The following LCN15 variants were observed in gnomAD, a reference collection of about 807,000 sequenced individuals.
LCN15 encodes the protein lipocalin-15.
LCN15 carries 26 observed loss-of-function variants against 23.1 expected under a neutral mutation model. The ratio of observed to expected loss-of-function variants is 1.13; its 90% CI spans 0.82 to 1.56. LCN15 has a LOEUF of 1.56. Among genes scored for constraint, LCN15 ranks in the 40% most tolerant of loss-of-function variants. LCN15 has a pLI of 0.00. For synonymous variants in LCN15, 107 were observed against 98.3 expected (o/e 1.09, Z -0.52); for missense variants, 241 against 239.5 (o/e 1.01, Z -0.04).
At position 136,762,231 on chromosome 9, in the gene LCN15, G is replaced by T; in HGVS notation, c.477C>A (p.Thr159=). The stretch of plus-strand genomic sequence containing the variant: ...CCATCATGTCCTTGGGGAGCCCCAG[G>T]GTCGGGTAGAAGTCCTGGAAGGACT... The part of the protein sequence containing the change: ...ALKSFQDFYP[T]LGLPKDMMVM... The change falls in exon 5 of 7, where the codon ACC becomes ACA. Residue 159 remains threonine (T), a synonymous_variant. Coordinates refer to ENST00000316144, the MANE Select transcript of LCN15 (RefSeq NM_203347.2). 3 of 1,601,676 alleles carry T rather than the reference G, an allele frequency of 1.9e-6. No homozygotes were observed. The highest frequency in any genetic ancestry group is 2.6e-6 in the Non-Finnish European group (3 of 1,174,742).
chr9:136,764,470 C>G lies in LCN15; in HGVS notation c.19G>C (p.Gly7Arg), dbSNP rs139868600. Reference sequence around the variant, plus strand: ...GCCCAGAGCAGGGTCAGGATTGCGCCGAGCAGGAATGACATCATCCCCTCC... The same window carrying G: ...GCCCAGAGCAGGGTCAGGATTGCGCGGAGCAGGAATGACATCATCCCCTCC... MMSFLL[G>R]AILTLLWAPT... is the part of the protein sequence containing the mutation. The change falls in exon 1 of 7, where the codon GGC becomes CGC. Residue 7 changes from glycine to arginine, a missense_variant. Physicochemically the swap from Gly to Arg is moderately radical, Grantham distance 125. Coordinates refer to ENST00000316144, the MANE Select transcript of LCN15 (RefSeq NM_203347.2). The G allele has an allele frequency of 1.2e-6, 2 of 1,612,914 alleles. No homozygotes were observed. Among genetic ancestry groups the G allele is most frequent in the Non-Finnish European group, 1.7e-6 (2 of 1,179,680 alleles).
rs920384656 is a variant in LCN15 at position 136,764,335 on chromosome 9, T to C, written c.96+58A>G. The C allele has an allele frequency of 6.7e-6, 10 of 1,499,678 alleles. No individual in the cohort carries two copies. The African/African-American group carries it at 1.4e-4, about 21-fold the overall frequency. The allele number at this position is 1,499,678 out of a possible 1,614,324, so 92.9% of individuals were successfully genotyped here. ...AAAGGCAGTTGTCACAATTATCACG[T>C]TGTCTCTGGCAGGGGCCCAGCTCCC... On this transcript the variant is annotated intron_variant, in intron 1 of 6. Transcript: ENST00000316144.
chr9:136,763,203 C>A (rs1330033228), intron 4 of LCN15, among the ~76,000 whole-genome samples, 154 bp downstream of exon 4: 1 of 146,350 alleles, frequency 6.8e-6, no homozygotes, highest in Non-Finnish European at 1.5e-5. Context: ...GGAGCCTAAA[C>A]TCGGCCTAAA....
At chr9:136,764,179 G>A in intron 1 of LCN15, 170 bp from the exon 2 acceptor site, 4 of 860,654 alleles carry the variant, frequency 4.6e-6, no homozygotes, top group Non-Finnish European at 7.2e-6. Context: ...GTAGGTCACA[G>A]TGCAACTGTG....
chr9:136,762,129 C>T, intron 5 of LCN15, 59 bp downstream of exon 5: 1 of 1,066,418 alleles, frequency 9.4e-7, no homozygotes, highest in Admixed American at 2.6e-5. Context: ...GAAGGGTGGG[C>T]TCATGGGAAG....
chr9:136,762,308 A>C lies in LCN15; in HGVS notation c.419-19T>G. ...GTCCGGCCTGGGCAGAGCAGAGGTCACTGTGAACTCAGCAGCTCACAGGAG... is the reference window on the plus strand; with the variant it reads ...GTCCGGCCTGGGCAGAGCAGAGGTCCCTGTGAACTCAGCAGCTCACAGGAG... On this transcript the variant is annotated intron_variant, in intron 4 of 6. Coordinates refer to ENST00000316144, the MANE Select transcript of LCN15 (RefSeq NM_203347.2). 1.4e-6 allele frequency: 2 copies of C among 1,423,744 alleles called. No homozygotes were observed. Among genetic ancestry groups the C allele is most frequent in the Non-Finnish European group, 2.0e-6 (2 of 1,022,982 alleles). 88.2% of individuals were successfully genotyped at this position (1,423,744 alleles called of 1,614,324 possible).
chr9:136,759,954 T>TGCCCCATAG (rs71385770), intron 6 of LCN15, among the ~76,000 whole-genome samples, 171 bp from the exon 7 acceptor site: 2 of 151,382 alleles, frequency 1.3e-5, no homozygotes, highest in African/African-American at 4.8e-5. Flanking sequence ...CTACCACTGC[T>TGCCCCATAG]GCCCCAGGCG....
rs377239916 is a variant in LCN15, at chr9:136,760,183, C to A, written c.*33-400G>T. ...CCACGGTCACGCGTGGTGGCCCAGG[C>A]GGGGCACTCTACCCCGAAAGCTGCT... On this transcript the variant is annotated intron_variant, in intron 6 of 6. Transcript: ENST00000316144. Among the ~76,000 whole-genome samples the A allele has an allele frequency of 7.9e-5, 12 of 152,356 alleles. No individual in the cohort carries two copies. The East Asian group carries it at 1.9e-3, about 24-fold the overall frequency.
At chr9:136,764,167 G>C in intron 1 of LCN15, 158 bp from the exon 2 acceptor site, 1 of 930,400 alleles carries the variant, frequency 1.1e-6, no homozygotes, top group African/African-American at 1.7e-5. Context: ...AACTCATCTT[G>C]GGTAGGTCAC....
At chr9:136,759,868 C>G (rs1325682751) in intron 6 of LCN15, 85 bp from the exon 7 acceptor site, 1 of 152,446 alleles carries the variant, frequency 6.6e-6, no homozygotes, top group Admixed American at 6.5e-5. Flanking sequence ...CATCACTCTT[C>G]CAAAGCCACC....
intron 4 of LCN15, 98 bp from the exon 5 acceptor site, chr9:136,762,387 G>C: frequency 1.4e-6 from 1 of 738,054 alleles, no homozygotes; most frequent in Non-Finnish European, 2.3e-6. Flanking sequence ...TGACAGCAAG[G>C]CCGCCACCCT....
rs1385519844 is a variant in LCN15, at chr9:136,761,969, G to A, written c.521-116C>T. ...GACAGCTCCACCATCCCCAGAGAGTGGAGCCCAGAGCTTCCCTCCCAGCGC... is the reference window on the plus strand; with the variant it reads ...GACAGCTCCACCATCCCCAGAGAGTAGAGCCCAGAGCTTCCCTCCCAGCGC... On this transcript the variant is annotated intron_variant, in intron 5 of 6. Coordinates refer to ENST00000316144, the MANE Select transcript of LCN15 (RefSeq NM_203347.2). The surrounding 1 kb of genome is among the most constrained non-coding windows in gnomAD (Gnocchi z 4.2). 5.6e-6 allele frequency: 5 copies of A among 898,854 alleles called. No homozygotes were observed. The highest frequency in any genetic ancestry group is 2.3e-5 in the South Asian group (1 of 43,728). The allele number at this position is 898,854 out of a possible 1,614,324, so 55.7% of individuals were successfully genotyped here. A position where few individuals can be genotyped will look rare whatever the true frequency, so the allele number is the denominator to read the frequency against.
Position 136,761,722 on chromosome 9 carries a change from T to A in LCN15, c.*32+65A>T, listed in dbSNP as rs1847319246. The A allele has an allele frequency of 1.3e-6, 1 of 751,436 alleles. No homozygotes were observed. Among genetic ancestry groups the A allele is most frequent in the Non-Finnish European group, 1.8e-6 (1 of 544,672 alleles). The allele number at this position is 751,436 out of a possible 1,614,324, so 46.5% of individuals were successfully genotyped here. A position where few individuals can be genotyped will look rare whatever the true frequency, so the allele number is the denominator to read the frequency against. The stretch of plus-strand genomic sequence containing the variant: ...CAGGCATGGGGCAGACAGAACCAGA[T>A]GTCAAGCTGCGATAGGGAGGGGAGA... On this transcript the variant is annotated intron_variant, in intron 6 of 6. Transcript: ENST00000316144. This position sits in a 1 kb window ranked among gnomAD's most constrained non-coding sequence, Gnocchi z 4.2.
intron 6 of LCN15, among the ~76,000 whole-genome samples, chr9:136,760,977 C>G (rs10870122): frequency 0.69 from 105,357 of 152,184 alleles, 37,533 homozygotes; most frequent in East Asian, 0.86. Flanking sequence ...GCACAGGCAT[C>G]CTCCTAAGAA....
At chr9:136,760,199 G>A (rs1474035195) in intron 6 of LCN15, among the ~76,000 whole-genome samples, 2 of 152,232 alleles carry the variant, frequency 1.3e-5, no homozygotes, top group Non-Finnish European at 2.9e-5. Flanking sequence ...ACTCTACCCC[G>A]AAAGCTGCTT....
chr9:136,763,315 G>C (rs1380488395), intron 4 of LCN15, 42 bp downstream of exon 4: 11 of 1,165,746 alleles, frequency 9.4e-6, no homozygotes, highest in Non-Finnish European at 1.3e-5. Flanking sequence ...CCTGTGGGAA[G>C]TTGGGGAGGG....
In LCN15 at chr9:136,763,217, C is replaced by CG. The variant is rs530577183; in HGVS notation, c.418+139dup. 5.3e-3 allele frequency: 2,809 copies of CG among 527,876 alleles called. 59 individuals carry two copies. In the African/African-American group the frequency reaches 0.06, roughly 11 times the overall value. The allele number at this position is 527,876 out of a possible 1,614,324, so 32.7% of individuals were successfully genotyped here. On this transcript the variant is annotated intron_variant, in intron 4 of 6. Transcript: ENST00000316144. ...CGGAGCCTAAACTCGGCCTAAAAGG[C>CG]GGGGGGCGGAGGGGTGAGGGCGGGG... is the stretch of plus-strand genomic sequence containing the variant.
Position 136,763,399 on chromosome 9 carries a change from T to C in LCN15, c.376A>G (p.Lys126Glu). The C allele has an allele frequency of 3.1e-6, 5 of 1,607,898 alleles. No individual in the cohort carries two copies. The highest frequency in any genetic ancestry group is 3.4e-6 in the Non-Finnish European group (4 of 1,177,552). The change falls in exon 4 of 7, where the codon AAG (lysine) becomes GAG (glutamate). Residue 126 changes from lysine to glutamate, a missense_variant. Coordinates refer to ENST00000316144, the MANE Select transcript of LCN15 (RefSeq NM_203347.2). ...YSSFAVLYIY[K>E]ELEGALSTMV... Reference sequence around the variant, plus strand: ...GTGCTGAGGGCCCCCTCCAGCTCCTTGTAGATGTAAAGGACGGCGAAGGAG... The same window carrying C: ...GTGCTGAGGGCCCCCTCCAGCTCCTCGTAGATGTAAAGGACGGCGAAGGAG...
At chr9:136,760,685 T>C (rs968254013) in intron 6 of LCN15, among the ~76,000 whole-genome samples, 1 of 152,208 alleles carries the variant, frequency 6.6e-6, no homozygotes, top group Non-Finnish European at 1.5e-5. Context: ...GTGGCTCCTG[T>C]GAGGGGCACT....
Sources: gnomAD v4.1 joint callset for allele counts (sites outside exome capture counted in the v4.1 genomes callset) on GRCh38, gnomAD v4.1.1 for gene constraint, Gnocchi (gnomAD v3.1) non-coding constraint, MANE v1.5 for transcripts, NCBI Gene and HGNC (gene_info 2026-07-23, HGNC 2026-07-21) for gene names.